The following PTPRT variants were observed in gnomAD, a reference collection of about 807,000 sequenced individuals.
PTPRT encodes protein tyrosine phosphatase receptor type T, also known as receptor-type tyrosine-protein phosphatase T.
In PTPRT, 56 loss-of-function variants were observed where a neutral mutation model predicts 176.8. The ratio of observed to expected loss-of-function variants is 0.32; its 90% CI spans 0.26 to 0.40. The LOEUF is 0.40. Among genes scored for constraint, PTPRT ranks in the 10% least tolerant of loss-of-function variants. The pLI is 1.00. For synonymous variants in PTPRT, 783 were observed against 739.0 expected (o/e 1.06, Z -0.96); for missense variants, 1,540 against 1,908.2 (o/e 0.81, Z 3.60).
intron 6 of PTPRT, among the ~76,000 whole-genome samples, chr20:42,750,330 G>A (rs2076752797): frequency 6.6e-6 from 1 of 151,856 alleles, no homozygotes; most frequent in South Asian, 2.1e-4. Context: ...TATATATTAT[G>A]CTATATATAT....
chr20:42,902,272 C>G (rs954432878), intron 1 of PTPRT, among the ~76,000 whole-genome samples: 87 of 152,262 alleles, frequency 5.7e-4, no homozygotes, highest in African/African-American at 2.1e-3. Flanking sequence ...GGCAGGCCTC[C>G]CCCAGCAAGT....
chr20:42,529,411 A>G (rs936433649), intron 7 of PTPRT, among the ~76,000 whole-genome samples: 3 of 152,186 alleles, frequency 2.0e-5, no homozygotes, highest in African/African-American at 7.2e-5. Flanking sequence ...GAAGAATGGG[A>G]GAAGGAGGAG....
At chr20:42,908,549 A>T (rs1422582909) in intron 1 of PTPRT, among the ~76,000 whole-genome samples, 1 of 152,146 alleles carries the variant, frequency 6.6e-6, no homozygotes, top group African/African-American at 2.4e-5. Flanking sequence ...ATAATTTTGC[A>T]ATATCATTTT....
chr20:43,170,913 T>C (rs974400856), intron 1 of PTPRT, among the ~76,000 whole-genome samples: 9 of 152,214 alleles, frequency 5.9e-5, no homozygotes, highest in African/African-American at 1.7e-4. Flanking sequence ...TTCTTGTGAA[T>C]CTTTCGCAGC....
At chr20:42,673,063 C>T (rs1420317862) in intron 7 of PTPRT, among the ~76,000 whole-genome samples, 2 of 152,188 alleles carry the variant, frequency 1.3e-5, no homozygotes, top group East Asian at 1.9e-4. Flanking sequence ...CACCAACCTC[C>T]TTACTACCCA....
At chr20:42,118,899 G>C (rs1021043967) in intron 20 of PTPRT, among the ~76,000 whole-genome samples, 5 of 151,744 alleles carry the variant, frequency 3.3e-5, no homozygotes, top group South Asian at 2.1e-4. Flanking sequence ...CAACTGGGGT[G>C]GGGGGTGGAG....
chr20:42,195,998 T>C (rs1991202875), intron 16 of PTPRT, among the ~76,000 whole-genome samples: 2 of 152,216 alleles, frequency 1.3e-5, no homozygotes, highest in African/African-American at 4.8e-5. Context: ...GACAATGTTA[T>C]CCTTTGAAAC....
intron 1 of PTPRT, among the ~76,000 whole-genome samples, chr20:43,125,070 A>C (rs1411075796): frequency 1.3e-5 from 2 of 151,616 alleles, no homozygotes; most frequent in Non-Finnish European, 2.9e-5. Flanking sequence ...ATCTCAGCTC[A>C]CTGCAACCTC....
At chr20:42,149,993 C>G (rs1208126629) in intron 17 of PTPRT, among the ~76,000 whole-genome samples, 2 of 152,184 alleles carry the variant, frequency 1.3e-5, no homozygotes, top group East Asian at 3.9e-4. Flanking sequence ...GTCCATAGGA[C>G]TATGAAACCT....
intron 1 of PTPRT, among the ~76,000 whole-genome samples, chr20:42,887,265 C>A (rs2079118484): frequency 6.6e-6 from 1 of 152,168 alleles, no homozygotes; most frequent in Non-Finnish European, 1.5e-5. Flanking sequence ...ATGATTGGGA[C>A]TGGGATTGGG....
chr20:42,432,531 C>T (rs61076895), intron 9 of PTPRT, among the ~76,000 whole-genome samples: 17,043 of 152,210 alleles, frequency 0.11, 949 homozygotes, highest in African/African-American at 0.13. Context: ...ACTACATTCC[C>T]TCCCTTTTGG....
intron 6 of PTPRT, among the ~76,000 whole-genome samples, chr20:42,710,898 C>T (rs1275334610): frequency 3.3e-5 from 5 of 152,224 alleles, no homozygotes; most frequent in African/African-American, 1.2e-4. Flanking sequence ...GGAGCCCACC[C>T]CTTGCACCAA....
At chr20:42,402,904 C>T (rs1006164502) in intron 9 of PTPRT, among the ~76,000 whole-genome samples, 2 of 151,988 alleles carry the variant, frequency 1.3e-5, no homozygotes, top group Admixed American at 6.6e-5. Context: ...GTGGGTATTA[C>T]AAGGACCACT....
chr20:42,380,043 C>T (rs2145628981), intron 9 of PTPRT, among the ~76,000 whole-genome samples: 1 of 152,344 alleles, frequency 6.6e-6, no homozygotes, highest in East Asian at 1.9e-4. Context: ...GTTCGATAGT[C>T]AATCCTGCCC....
intron 9 of PTPRT, among the ~76,000 whole-genome samples, chr20:42,434,110 G>A (rs781272718): frequency 2.0e-5 from 3 of 151,878 alleles, no homozygotes; most frequent in Non-Finnish European, 4.4e-5. Context: ...CAAAGCTGTT[G>A]CAAATGCACA....
At chr20:42,379,273 C>T (rs894606598) in intron 9 of PTPRT, among the ~76,000 whole-genome samples, 2 of 152,224 alleles carry the variant, frequency 1.3e-5, no homozygotes, top group Non-Finnish European at 2.9e-5. Context: ...CCGGGTCAAG[C>T]CCCTTTATTG....
intron 7 of PTPRT, among the ~76,000 whole-genome samples, chr20:42,548,261 G>A (rs2145604074): frequency 6.6e-6 from 1 of 152,170 alleles, no homozygotes; most frequent in African/African-American, 2.4e-5. Flanking sequence ...TCCATGACTA[G>A]CTAAGATGAA....
intron 16 of PTPRT, among the ~76,000 whole-genome samples, chr20:42,165,347 G>A (rs79499823): frequency 0.038 from 5,815 of 152,288 alleles, 341 homozygotes; most frequent in African/African-American, 0.13. Context: ...AGGGAGGTAT[G>A]TTCAGGGAGA....
At chr20:42,595,119 T>C (rs1397723484) in intron 7 of PTPRT, among the ~76,000 whole-genome samples, 1 of 152,052 alleles carries the variant, frequency 6.6e-6, no homozygotes, top group Non-Finnish European at 1.5e-5. Flanking sequence ...GGCCAAACTG[T>C]ACCCAGATGA....
Sources: gnomAD v4.1 joint callset for allele counts (sites outside exome capture counted in the v4.1 genomes callset) on GRCh38, gnomAD v4.1.1 for gene constraint, MANE v1.5 for transcripts, NCBI Gene and HGNC (gene_info 2026-07-23, HGNC 2026-07-21) for gene names.